Variants in SNX29 observed in about 807,000 individuals in gnomAD.
The protein encoded by SNX29 is sorting nexin 29.
Under a neutral mutation model 102.1 loss-of-function variants are expected in SNX29, and 78 were observed. The observed-to-expected ratio is 0.76, with a 90% confidence interval of 0.64 to 0.92. The LOEUF (loss-of-function observed/expected upper bound fraction) is 0.92. Among genes scored for constraint, SNX29 ranks in the 40% least tolerant of loss-of-function variants. SNX29 has a pLI of 0.00. For synonymous variants in SNX29, 580 were observed against 414.5 expected (o/e 1.40, Z -4.85); for missense variants, 1,280 against 1,061.7 (o/e 1.21, Z -2.86).
chr16:12,425,551 AAATAAAAAG>A (rs1432854872), intron 18 of SNX29, among the ~76,000 whole-genome samples: 13 of 76,816 alleles, frequency 1.7e-4, no homozygotes, highest in African/African-American at 3.9e-4. Context: ...AAAATAAAAA[AAATAAAAAG>A]AGGGAATAGA....
At chr16:12,406,759 T>G (rs2084182381) in intron 18 of SNX29, among the ~76,000 whole-genome samples, 1 of 152,054 alleles carries the variant, frequency 6.6e-6, no homozygotes, top group African/African-American at 2.4e-5. Flanking sequence ...AATACAAAAA[T>G]TAGCTGAGCG....
chr16:12,481,458 A>T (rs2087912309), intron 19 of SNX29, among the ~76,000 whole-genome samples: 1 of 130,526 alleles, frequency 7.7e-6, no homozygotes. Flanking sequence ...ATATATACAT[A>T]TATATATACA....
chr16:12,230,395 A>G (rs1226870336), intron 14 of SNX29, among the ~76,000 whole-genome samples: 2 of 152,230 alleles, frequency 1.3e-5, no homozygotes, highest in Non-Finnish European at 2.9e-5. Flanking sequence ...CTGGACCTGC[A>G]GTAGTACTGA....
At chr16:11,997,565 C>T (rs1474693121) in intron 1 of SNX29, among the ~76,000 whole-genome samples, 1 of 151,924 alleles carries the variant, frequency 6.6e-6, no homozygotes, top group Non-Finnish European at 1.5e-5. Flanking sequence ...GCAGCCATTG[C>T]CTCCTGGGTT....
chr16:12,266,772 T>C (rs545413652), intron 14 of SNX29, among the ~76,000 whole-genome samples: 1 of 152,108 alleles, frequency 6.6e-6, no homozygotes, highest in East Asian at 1.9e-4. Context: ...TGTAAATTTT[T>C]TTTTTCTTTG....
intron 16 of SNX29, among the ~76,000 whole-genome samples, chr16:12,393,408 G>GCATTCATT (rs879644508): frequency 8.0e-5 from 11 of 138,180 alleles, no homozygotes; most frequent in Middle Eastern, 3.7e-3. Flanking sequence ...ATGCATGCAT[G>GCATTCATT]CATGCATTCA....
intron 18 of SNX29, among the ~76,000 whole-genome samples, chr16:12,422,787 C>G (rs1440020193): frequency 1.3e-5 from 2 of 152,258 alleles, no homozygotes; most frequent in East Asian, 3.8e-4. Flanking sequence ...TCAGCTGCTT[C>G]CTTCAGCCCC....
At chr16:12,561,966 CCCAGAGTGTCTA>C (rs1231133704) in intron 20 of SNX29, among the ~76,000 whole-genome samples, 1 of 152,124 alleles carries the variant, frequency 6.6e-6, no homozygotes, top group African/African-American at 2.4e-5. Flanking sequence ...GCATGATGTC[CCCAGAGTGTCTA>C]CCAGCTTGGT....
intron 13 of SNX29, among the ~76,000 whole-genome samples, chr16:12,139,086 C>T (rs1310073280): frequency 6.7e-6 from 1 of 150,086 alleles, no homozygotes. Flanking sequence ...CCTGTAATCC[C>T]AGCTACTCCA....
intron 14 of SNX29, among the ~76,000 whole-genome samples, chr16:12,270,107 C>T (rs931984068): frequency 1.3e-5 from 2 of 152,124 alleles, no homozygotes; most frequent in Non-Finnish European, 2.9e-5. Flanking sequence ...GTGATCCACC[C>T]ACCTTGGCCT....
intron 19 of SNX29, among the ~76,000 whole-genome samples, chr16:12,514,229 G>A (rs1298281075): frequency 6.6e-6 from 1 of 152,188 alleles, no homozygotes; most frequent in Non-Finnish European, 1.5e-5. Context: ...AGAAGGAATA[G>A]CTGATTCTCA....
chr16:11,995,321 C>A (rs2056023418), intron 1 of SNX29, among the ~76,000 whole-genome samples: 1 of 152,094 alleles, frequency 6.6e-6, no homozygotes, highest in South Asian at 2.1e-4. Flanking sequence ...CCGCTTTGGC[C>A]CCCCAAAGTT....
intron 14 of SNX29, among the ~76,000 whole-genome samples, chr16:12,209,434 C>T (rs1297088871): frequency 6.6e-6 from 1 of 152,202 alleles, no homozygotes; most frequent in Non-Finnish European, 1.5e-5. Context: ...AAGTAATCTG[C>T]CCACCTTGGC....
rs538342353 is a variant in SNX29 at position 12,244,208 on chromosome 16, A to G, written c.1679-33725A>G. 6.6e-5 allele frequency among the ~76,000 whole-genome samples: 10 copies of G among 152,312 alleles called. No homozygotes were observed. In the East Asian group the frequency reaches 1.9e-3, roughly 29 times the overall value. ...TGTGTGGCCTGGTTCCTAACAGGCC[A>G]CAACCATTACAGGTCTGTGGCCTTG... On this transcript the variant is annotated intron_variant, in intron 14 of 20. Coordinates refer to ENST00000566228, the MANE Select transcript of SNX29 (RefSeq NM_032167.5).
chr16:12,540,373 T>C (rs941955345), intron 20 of SNX29, among the ~76,000 whole-genome samples: 16 of 152,218 alleles, frequency 1.1e-4, no homozygotes, highest in Non-Finnish European at 2.1e-4. Context: ...TTTCTTATTG[T>C]TGCCCTACCA....
chr16:12,440,863 C>G (rs1298681718), intron 18 of SNX29, among the ~76,000 whole-genome samples: 1 of 152,096 alleles, frequency 6.6e-6, no homozygotes, highest in Non-Finnish European at 1.5e-5. Flanking sequence ...AGGTGGATTC[C>G]ACGTCTTTGC....
intron 20 of SNX29, among the ~76,000 whole-genome samples, chr16:12,549,169 A>T (rs1030749461): frequency 6.6e-6 from 1 of 152,204 alleles, no homozygotes; most frequent in African/African-American, 2.4e-5. Context: ...TTTGCTGTTC[A>T]TGGAGTGTCT....
At chr16:12,311,136 T>C (rs912322189) in intron 15 of SNX29, among the ~76,000 whole-genome samples, 1 of 152,220 alleles carries the variant, frequency 6.6e-6, no homozygotes, top group African/African-American at 2.4e-5. Context: ...GCTGCATTGC[T>C]AAAAAATTAA....
intron 10 of SNX29, among the ~76,000 whole-genome samples, chr16:12,077,646 C>A (rs1436258362): frequency 1.3e-5 from 2 of 152,034 alleles, no homozygotes; most frequent in Admixed American, 6.6e-5. Flanking sequence ...TTGAGATGAA[C>A]TGTTGCTCTT....
Sources: allele counts gnomAD v4.1 joint callset (sites outside exome capture counted in the v4.1 genomes callset), GRCh38; gene constraint gnomAD v4.1.1; transcripts MANE v1.5; gene names NCBI Gene and HGNC (gene_info 2026-07-23, HGNC 2026-07-21).